Variants in RAD17 observed in about 807,000 individuals in gnomAD.
RAD17 encodes RAD17 checkpoint clamp loader component, also known as cell cycle checkpoint protein RAD17.
RAD17 carries 31 observed loss-of-function variants against 81.5 expected under a neutral mutation model. The ratio of observed to expected loss-of-function variants is 0.38; its 90% confidence interval spans 0.29 to 0.51. The LOEUF is 0.51. Among genes scored for constraint, RAD17 ranks in the 20% least tolerant of loss-of-function variants. The pLI, the probability that RAD17 is intolerant of heterozygous loss-of-function variation, is 0.88. For missense variants in RAD17, 681 were observed against 781.2 expected (o/e 0.87, Z 1.53); for synonymous variants, 261 against 266.2 (o/e 0.98, Z 0.19).
At chr5:69,380,524 A>G (rs895747421) in intron 6 of RAD17, among the ~76,000 whole-genome samples, 3 of 152,220 alleles carry the variant, frequency 2.0e-5, no homozygotes, top group Admixed American at 6.5e-5. Flanking sequence ...GAACAGCGCT[A>G]TAACTCATGC....
chr5:69,395,757 C>T (rs551183752), intron 15 of RAD17, among the ~76,000 whole-genome samples: 1 of 152,126 alleles, frequency 6.6e-6, no homozygotes, highest in South Asian at 2.1e-4. Flanking sequence ...TAGCAGTTTG[C>T]ATATTTTGCC....
Position 69,377,480 on chromosome 5 carries a change from C to CGT in RAD17, c.351+2769_351+2770insGT, listed in dbSNP as rs1561238940. 1.0e-3 allele frequency among the ~76,000 whole-genome samples: 66 copies of CGT among 63,048 alleles called. 8 individuals are homozygous for CGT. Among genetic ancestry groups the CGT allele is most frequent in the African/African-American group, 1.9e-3 (35 of 18,570 alleles). The allele number at this position is 63,048 out of a possible 152,430, so 41.4% of individuals were successfully genotyped here. The stretch of plus-strand genomic sequence containing the variant: ...ATATATATATATATATATATACACA[C>CGT]ACACACATATATATACGTATATATA... On this transcript the variant is annotated intron_variant, in intron 6 of 18. Transcript: ENST00000354868.
chr5:69,373,373 A>G (rs966681456), intron 4 of RAD17, among the ~76,000 whole-genome samples: 1 of 152,228 alleles, frequency 6.6e-6, no homozygotes, highest in Non-Finnish European at 1.5e-5. Flanking sequence ...AACAACTATT[A>G]CAGACAGAGT....
In RAD17 at chr5:69,404,643, C is replaced by A. The variant is rs544739281; in HGVS notation, c.1693+4474C>A. ...AATTAGCTGGGTGCAGTGGTGGGCG[C>A]CTGTAATCCCAGCTACTCGGGAGGC... On this transcript the variant is annotated intron_variant, in intron 17 of 18. Coordinates refer to ENST00000354868, the MANE Select transcript of RAD17 (RefSeq NM_133338.3). Among the ~76,000 whole-genome samples, 9 of 151,992 alleles carry A rather than the reference C, an allele frequency of 5.9e-5. No homozygotes were observed. The East Asian group carries it at 1.7e-3, about 30-fold the overall frequency.
chr5:69,377,095 T>C (rs1342927382), intron 6 of RAD17, among the ~76,000 whole-genome samples: 1 of 152,040 alleles, frequency 6.6e-6, no homozygotes, highest in Admixed American at 6.6e-5. Context: ...CTCTGGCCTG[T>C]GGATCTAAAC....
rs539009370 is a variant in RAD17 at position 69,394,227 on chromosome 5, AT to A, written c.1422+736del. 1.4e-3 allele frequency among the ~76,000 whole-genome samples: 212 copies of A among 146,390 alleles called. 1 individual carries two copies. Among genetic ancestry groups the A allele is most frequent in the African/African-American group, 5.2e-3 (207 of 39,682 alleles). On this transcript the variant is annotated intron_variant, in intron 15 of 18. Coordinates refer to ENST00000354868, the MANE Select transcript of RAD17 (RefSeq NM_133338.3). ...AGGCAAGCACCACTATCCTTAGCTA[AT>A]TTTTTTTTCTTTGTTTTAGAGACAG...
At chr5:69,383,715 C>CA (rs1277421767) in intron 7 of RAD17, among the ~76,000 whole-genome samples, 2 of 152,100 alleles carry the variant, frequency 1.3e-5, no homozygotes, top group African/African-American at 4.8e-5. Flanking sequence ...GAGAAAGTCT[C>CA]ACTATATTGT....
At chr5:69,408,358 C>T (rs1037548424) in intron 17 of RAD17, among the ~76,000 whole-genome samples, 2 of 152,052 alleles carry the variant, frequency 1.3e-5, no homozygotes, top group Non-Finnish European at 2.9e-5. Flanking sequence ...TGAAGCCTTC[C>T]TCCCTCTTCA....
chr5:69,393,063 G>T (rs923170805), intron 13 of RAD17, 92 bp from the exon 14 acceptor site: 24 of 729,718 alleles, frequency 3.3e-5, no homozygotes, highest in African/African-American at 2.9e-4. Flanking sequence ...TGTTGGTATT[G>T]TATGTCTAAA....
intron 17 of RAD17, among the ~76,000 whole-genome samples, chr5:69,409,748 G>A (rs1561278154): frequency 6.6e-6 from 1 of 152,144 alleles, no homozygotes; most frequent in Non-Finnish European, 1.5e-5. Context: ...GTAGTGTTAA[G>A]TATATCCACC....
intron 8 of RAD17, among the ~76,000 whole-genome samples, chr5:69,385,661 T>C (rs1055284660): frequency 6.6e-6 from 1 of 152,182 alleles, no homozygotes; most frequent in South Asian, 2.1e-4. Context: ...GTAGTGATAT[T>C]GGTAAAATAC....
At chr5:69,396,568 C>A (rs757339103) in intron 16 of RAD17, 22 bp downstream of exon 16, 10 of 905,472 alleles carry the variant, frequency 1.1e-5, no homozygotes, top group Middle Eastern at 2.6e-4. Context: ...AAAAAAAATT[C>A]TGTACTTTCA....
chr5:69,408,338 T>C (rs926741629), intron 17 of RAD17, among the ~76,000 whole-genome samples: 1 of 152,098 alleles, frequency 6.6e-6, no homozygotes. Flanking sequence ...GAAGTCTGTC[T>C]TTTGCAACAT....
intron 17 of RAD17, 118 bp downstream of exon 17, chr5:69,400,287 G>A (rs955169407): frequency 4.4e-5 from 28 of 636,078 alleles, no homozygotes; most frequent in African/African-American, 1.1e-4. Flanking sequence ...GCACGATCTC[G>A]GCTCACTGCA....
intron 17 of RAD17, among the ~76,000 whole-genome samples, chr5:69,404,626 G>C (rs186280230): frequency 6.6e-6 from 1 of 152,046 alleles, no homozygotes; most frequent in South Asian, 2.1e-4. Flanking sequence ...AAAATTAGCT[G>C]GGTGCAGTGG....
At chr5:69,404,833 T>G (rs1205663297) in intron 17 of RAD17, among the ~76,000 whole-genome samples, 3 of 151,764 alleles carry the variant, frequency 2.0e-5, no homozygotes, top group Admixed American at 1.3e-4. Context: ...TCCCAGCTAC[T>G]TGGAGGCTGA....
In RAD17 at chr5:69,386,207, T is replaced by C; in HGVS notation, c.726T>C (p.Pro242=). ...LRKYVRIGRC[P]LIFIISDSLS... is the part of the protein sequence containing the mutation. Reference sequence around the variant, plus strand: ...AGTATGTGAGGATTGGTCGATGTCCTCTTATATTTATAATCTCGGACAGTC... The same window carrying C: ...AGTATGTGAGGATTGGTCGATGTCCCCTTATATTTATAATCTCGGACAGTC... The change falls in exon 10 of 19, where the codon CCT becomes CCC. Residue 242 remains proline, a synonymous_variant. Coordinates refer to ENST00000354868, the MANE Select transcript of RAD17 (RefSeq NM_133338.3). 1 of 1,607,614 alleles carries C rather than the reference T, an allele frequency of 6.2e-7. No individual in the cohort carries two copies. Among genetic ancestry groups the C allele is most frequent in the Non-Finnish European group, 8.5e-7 (1 of 1,176,538 alleles).
Position 69,389,159 on chromosome 5 carries a change from A to G in RAD17, c.1006+14A>G, listed in dbSNP as rs1433351831. 1.3e-6 allele frequency: 2 copies of G among 1,491,952 alleles called. No individual in the cohort carries two copies. The highest frequency in any genetic ancestry group is 1.4e-5 in the African/African-American group (1 of 70,822). 92.4% of individuals were successfully genotyped at this position (1,491,952 alleles called of 1,614,324 possible). On this transcript the variant is annotated intron_variant, in intron 12 of 18. Coordinates refer to ENST00000354868, the MANE Select transcript of RAD17 (RefSeq NM_133338.3). ...CTTCTTCAAAAGGTAACTATGGAAG[A>G]TACAGTCATGTGGCATTATATAGGT...
chr5:69,383,633 G>A (rs777862688), intron 7 of RAD17, among the ~76,000 whole-genome samples: 2 of 152,070 alleles, frequency 1.3e-5, no homozygotes. Context: ...AACCACCTCG[G>A]CCTCCAAAAG....
Sources: gnomAD v4.1 joint callset for allele counts (sites outside exome capture counted in the v4.1 genomes callset) on GRCh38, gnomAD v4.1.1 for gene constraint, MANE v1.5 for transcripts, NCBI Gene and HGNC (gene_info 2026-07-23, HGNC 2026-07-21) for gene names.